The following INO80D variants were observed in gnomAD, a reference collection of about 807,000 sequenced individuals.
The protein encoded by INO80D is INO80 complex subunit D.
A neutral mutation model predicts 87.6 loss-of-function variants in INO80D; 21 were observed. The ratio of observed to expected loss-of-function variants is 0.24; its 90% CI spans 0.17 to 0.35. The LOEUF (loss-of-function observed/expected upper bound fraction) is 0.35. Among genes scored for constraint, INO80D ranks in the 10% least tolerant of loss-of-function variants. The pLI is 1.00. For missense variants in INO80D, 982 were observed against 1,280.7 expected, an observed-to-expected ratio of 0.77 and a Z score of 3.56; for synonymous variants, 440 against 491.0, an observed-to-expected ratio of 0.90 and a Z score of 1.37.
At chr2:206,072,080 C>T (rs868297741) in intron 1 of INO80D, among the ~76,000 whole-genome samples, 3 of 152,076 alleles carry the variant, frequency 2.0e-5, no homozygotes, top group Non-Finnish European at 4.4e-5. Context: ...ATACATATAT[C>T]CAACTTTGCC....
intron 5 of INO80D, among the ~76,000 whole-genome samples, chr2:206,032,351 G>A (rs1286209617): frequency 2.0e-5 from 3 of 152,206 alleles, no homozygotes; most frequent in African/African-American, 7.2e-5. Context: ...GTGGGGCATG[G>A]TGGGAGTGAA....
At chr2:206,076,886 T>C (rs1339410757) in intron 1 of INO80D, among the ~76,000 whole-genome samples, 3 of 152,164 alleles carry the variant, frequency 2.0e-5, no homozygotes, top group South Asian at 4.1e-4. Flanking sequence ...AAAGGGAAGA[T>C]TGTAATTGTA....
chr2:206,084,596 A>T lies in INO80D; in HGVS notation c.-124+1305T>A, dbSNP rs1575907006. On this transcript the variant is annotated intron_variant, in intron 1 of 10. Transcript: ENST00000403263. ...TTTTACCGGACAGTGACCAAAAAGG[A>T]GGGGAAACTCCTACATCTGGGGACT... 2.0e-5 allele frequency: 3 copies of T among 152,254 alleles called. No individual in the cohort carries two copies. In the East Asian group the frequency reaches 5.8e-4, roughly 29 times the overall value. 9.4% of individuals were successfully genotyped at this position (152,254 alleles called of 1,614,324 possible).
intron 1 of INO80D, among the ~76,000 whole-genome samples, chr2:206,081,347 G>T (rs1690278853): frequency 6.6e-6 from 1 of 152,170 alleles, no homozygotes; most frequent in Non-Finnish European, 1.5e-5. Context: ...GGAAAAACAG[G>T]TCTACTCTCC....
chr2:206,042,249 A>G (rs1158822041), intron 5 of INO80D, among the ~76,000 whole-genome samples: 3 of 152,150 alleles, frequency 2.0e-5, no homozygotes, highest in African/African-American at 7.2e-5. Context: ...AGAAAACAAT[A>G]AAGATCTCAG....
chr2:206,079,823 C>T (rs147792720), intron 1 of INO80D, among the ~76,000 whole-genome samples: 111 of 152,296 alleles, frequency 7.3e-4, no homozygotes, highest in African/African-American at 2.5e-3. Flanking sequence ...CTTTCCCTCT[C>T]ACTATTTATT....
Position 206,004,434 on chromosome 2 carries a change from G to A in INO80D, c.3018C>T (p.Phe1006=). The A allele has an allele frequency of 6.2e-7, 1 of 1,605,054 alleles. No individual in the cohort carries two copies. Among genetic ancestry groups the A allele is most frequent in the Non-Finnish European group, 8.5e-7 (1 of 1,175,820 alleles). ...SHSSIAPPTG[F]TVTGATATST... ...TTGTAGCTGTGGCACCTGTTACTGT[G>A]AAGCCTGTAGGAGGGGCTATAGAGC... Residue 1006 remains phenylalanine (F), a synonymous_variant, in exon 11 of 11, where the codon TTC becomes TTT. Coordinates refer to ENST00000403263, the MANE Select transcript of INO80D (RefSeq NM_017759.5). The surrounding 1 kb of genome is among the most constrained non-coding windows in gnomAD (Gnocchi z 4.9).
At chr2:206,022,615 A>G (rs138642301) in intron 6 of INO80D, among the ~76,000 whole-genome samples, 1 of 152,312 alleles carries the variant, frequency 6.6e-6, no homozygotes, top group East Asian at 1.9e-4. Context: ...TTGGGTTCAC[A>G]TATTTGAAGC....
rs1161464400 is a variant in INO80D, at chr2:205,999,508, G to A, written c.*4860C>T. On this transcript the variant is annotated 3_prime_UTR_variant, in exon 11 of 11. Transcript: ENST00000403263. ...AATTTGCTTGCTCTCTCTCTGAAAC[G>A]TCACATTTCCTCTTATTAGCTCTGT... 2.6e-5 allele frequency: 4 copies of A among 152,080 alleles called. No individual in the cohort carries two copies. The highest frequency in any genetic ancestry group is 6.5e-5 in the Admixed American group (1 of 15,274). The allele number at this position is 152,080 out of a possible 1,614,324, so 9.4% of individuals were successfully genotyped here. A position where few individuals can be genotyped will look rare whatever the true frequency, so the allele number is the denominator to read the frequency against.
rs768132373 is a variant in INO80D, at chr2:206,056,624, G to A, written c.538C>T (p.Arg180Cys). The change falls in exon 4 of 11, where the codon CGC becomes TGC. Residue 180 changes from arginine (R) to cysteine (C), a missense_variant. Coordinates refer to ENST00000403263, the MANE Select transcript of INO80D (RefSeq NM_017759.5). ...LQSKLAQNRQ[R>C]QRETEILKVR... ...TTTAAAATCTCTGTCTCTCTCTGGC[G>A]CTGCCGATTCTGGGCCAACTTGCTC... 7.5e-6 allele frequency: 12 copies of A among 1,610,670 alleles called. No homozygotes were observed. Among genetic ancestry groups the A allele is most frequent in the South Asian group, 2.2e-5 (2 of 90,522 alleles).
At chr2:206,011,547 T>C (rs1044937056) in intron 8 of INO80D, among the ~76,000 whole-genome samples, 1 of 152,352 alleles carries the variant, frequency 6.6e-6, no homozygotes, top group East Asian at 1.9e-4. Context: ...TCCCAACTTT[T>C]GTCTGATTCT....
At position 206,056,505 on chromosome 2, in the gene INO80D, T is replaced by G; in HGVS notation, c.657A>C (p.Leu219Phe). 6.2e-7 allele frequency: 1 copy of G among 1,613,672 alleles called. No individual in the cohort carries two copies. Among genetic ancestry groups the G allele is most frequent in the Non-Finnish European group, 8.5e-7 (1 of 1,179,734 alleles). ...HSHLSPLSTS[L>F]KPPAPPQGSV... ...AACCCTGCGGTGGCGCTGGAGGTTT[T>G]AAAGAAGTAGATAAAGGTGACAGGT... Residue 219 changes from leucine to phenylalanine, a missense_variant, in exon 4 of 11, where the codon TTA (leucine) becomes TTC (phenylalanine). By Grantham distance (22) the Leu-to-Phe change is conservative. Coordinates refer to ENST00000403263, the MANE Select transcript of INO80D (RefSeq NM_017759.5).
At chr2:206,006,708 C>T (rs1688035392) in intron 10 of INO80D, among the ~76,000 whole-genome samples, 1 of 149,584 alleles carries the variant, frequency 6.7e-6, no homozygotes, top group Non-Finnish European at 1.5e-5. Context: ...AAGTCATATT[C>T]GAGATGTCTT....
At position 206,062,675 on chromosome 2, in the gene INO80D, A is replaced by G. The variant is rs1003045087; in HGVS notation, c.218+124T>C. ...ATTACCCCCAGAATTCAACATTTAT[A>G]TAGGTGGAGGAAGGGAGGGAGGGAG... On this transcript the variant is annotated intron_variant, in intron 3 of 10. Coordinates refer to ENST00000403263, the MANE Select transcript of INO80D (RefSeq NM_017759.5). The surrounding 1 kb of genome is among the most constrained non-coding windows in gnomAD (Gnocchi z 4.6). 9 of 772,544 alleles carry G rather than the reference A, an allele frequency of 1.2e-5. No homozygotes were observed. Among genetic ancestry groups the G allele is most frequent in the African/African-American group, 1.8e-5 (1 of 56,104 alleles). 47.9% of individuals were successfully genotyped at this position (772,544 alleles called of 1,614,324 possible). A position where few individuals can be genotyped will look rare whatever the true frequency, so the allele number is the denominator to read the frequency against.
chr2:206,005,624 C>T lies in INO80D; in HGVS notation c.1919-91G>A, dbSNP rs1048733541. ...CATTTGAATTATTTTAAACAATATTCGATTTAAAGAGTCCCTCTTGAAAAG... is the reference window on the plus strand; with the variant it reads ...CATTTGAATTATTTTAAACAATATTTGATTTAAAGAGTCCCTCTTGAAAAG... On this transcript the variant is annotated intron_variant, in intron 10 of 10. Transcript: ENST00000403263. 12 of 1,029,644 alleles carry T rather than the reference C, an allele frequency of 1.2e-5. No homozygotes were observed. In the East Asian group the frequency reaches 2.6e-4, roughly 22 times the overall value. 63.8% of individuals were successfully genotyped at this position (1,029,644 alleles called of 1,614,324 possible).
Position 206,056,632 on chromosome 2 carries a change from T to C in INO80D, c.530A>G (p.Asn177Ser). Residue 177 changes from asparagine (N) to serine (S), a missense_variant, in exon 4 of 11, where the codon AAT (asparagine) becomes AGT (serine). Coordinates refer to ENST00000403263, the MANE Select transcript of INO80D (RefSeq NM_017759.5). ...RKKLQSKLAQ[N>S]RQRQRETEIL... Reference sequence around the variant, plus strand: ...CTCTGTCTCTCTCTGGCGCTGCCGATTCTGGGCCAACTTGCTCTGCAACTT... The same window carrying C: ...CTCTGTCTCTCTCTGGCGCTGCCGACTCTGGGCCAACTTGCTCTGCAACTT... 6.2e-7 allele frequency: 1 copy of C among 1,611,842 alleles called. No individual in the cohort carries two copies.
intron 6 of INO80D, among the ~76,000 whole-genome samples, chr2:206,023,426 G>A (rs1321819522): frequency 1.3e-5 from 2 of 152,034 alleles, no homozygotes; most frequent in African/African-American, 4.8e-5. Context: ...GCTCATGCCT[G>A]TAATCCTACC....
intron 1 of INO80D, among the ~76,000 whole-genome samples, chr2:206,080,166 A>G (rs951966984): frequency 2.0e-4 from 31 of 152,246 alleles, no homozygotes; most frequent in African/African-American, 7.2e-4. Context: ...CAGAGCTACA[A>G]CAGAGAAGCT....
In INO80D at chr2:206,076,298, G is replaced by A. The variant is rs73065715; in HGVS notation, c.-124+9603C>T. 9.6e-3 allele frequency among the ~76,000 whole-genome samples: 1,458 copies of A among 152,286 alleles called. 10 individuals are homozygous for A. The highest frequency in any genetic ancestry group is 0.033 in the African/African-American group (1,374 of 41,544). On this transcript the variant is annotated intron_variant, in intron 1 of 10. Coordinates refer to ENST00000403263, the MANE Select transcript of INO80D (RefSeq NM_017759.5). ...AAAGAATATTTACTTATCCCAGAAA[G>A]AGTGGATACTGTTAAAATCATATTT...
Sources: allele counts gnomAD v4.1 joint callset (sites outside exome capture counted in the v4.1 genomes callset), GRCh38; gene constraint gnomAD v4.1.1; non-coding constraint Gnocchi (gnomAD v3.1); transcripts MANE v1.5; gene names NCBI Gene and HGNC (gene_info 2026-07-23, HGNC 2026-07-21).